PRKN: variants seen among roughly 807,000 people sequenced by gnomAD.
PRKN encodes parkin RBR E3 ubiquitin protein ligase, also known as E3 ubiquitin-protein ligase parkin.
In PRKN, 56 loss-of-function variants were observed where a neutral mutation model predicts 59.5. That is an observed-to-expected ratio of 0.94 (90% CI 0.76 to 1.18). The LOEUF is 1.18. Among genes scored for constraint, PRKN ranks in the 50% most tolerant of loss-of-function variants. PRKN has a pLI of 0.00. For missense variants in PRKN, 657 were observed against 596.4 expected (o/e 1.10, Z -1.06); for synonymous variants, 250 against 222.1 (o/e 1.13, Z -1.12).
intron 1 of PRKN, among the ~76,000 whole-genome samples, chr6:162,638,626 C>T (rs951719071): frequency 6.6e-6 from 1 of 152,076 alleles, no homozygotes; most frequent in Non-Finnish European, 1.5e-5. Flanking sequence ...CTTTTGGAAA[C>T]CTTAGGACTG....
chr6:162,366,152 CA>C (rs1359644502), intron 2 of PRKN, among the ~76,000 whole-genome samples: 1 of 152,198 alleles, frequency 6.6e-6, no homozygotes, highest in Non-Finnish European at 1.5e-5. Context: ...GCCAATTTGA[CA>C]GGTTATAATA....
chr6:161,464,350 T>C, intron 9 of PRKN, among the ~76,000 whole-genome samples: 1 of 152,236 alleles, frequency 6.6e-6, no homozygotes, highest in Non-Finnish European at 1.5e-5. Context: ...TTGGGAAAAC[T>C]GATGGAGTTG....
At chr6:162,267,422 C>T (rs1361395686) in intron 2 of PRKN, among the ~76,000 whole-genome samples, 1 of 151,966 alleles carries the variant, frequency 6.6e-6, no homozygotes, top group Non-Finnish European at 1.5e-5. Flanking sequence ...TCCTAGTATA[C>T]AAAAAAATTC....
At chr6:161,930,521 A>C (rs892534435) in intron 6 of PRKN, among the ~76,000 whole-genome samples, 1 of 152,322 alleles carries the variant, frequency 6.6e-6, no homozygotes, top group Admixed American at 6.5e-5. Context: ...CTTCACCTAC[A>C]TGGCTGAGTA....
At chr6:161,733,783 A>ATATATATATATATGTATATATATATATAT (rs1554298472) in intron 7 of PRKN, among the ~76,000 whole-genome samples, 1 of 86,228 alleles carries the variant, frequency 1.2e-5, no homozygotes, top group Non-Finnish European at 1.9e-5. Flanking sequence ...AAAAAAAAAA[A>ATATATATATATATGTATATATATATATAT]ATATATATAT....
intron 2 of PRKN, among the ~76,000 whole-genome samples, chr6:162,352,323 G>C (rs1256358213): frequency 6.6e-6 from 1 of 152,162 alleles, no homozygotes; most frequent in African/African-American, 2.4e-5. Flanking sequence ...TTGTCACAAA[G>C]AACAAGGTGA....
intron 3 of PRKN, among the ~76,000 whole-genome samples, chr6:162,231,379 G>A (rs1778412716): frequency 1.3e-5 from 2 of 152,220 alleles, no homozygotes; most frequent in Non-Finnish European, 2.9e-5. Context: ...GTGAAGTTCA[G>A]TTATGCCTAA....
At position 161,822,244 on chromosome 6, in the gene PRKN, G is replaced by A. The variant is rs73785419; in HGVS notation, c.735-36336C>T. ...AGGGATACTCATGTGACTAAACACT[G>A]GGCAAGGGGACATGAAGAAAAGGGT... On this transcript the variant is annotated intron_variant, in intron 6 of 11. Transcript: ENST00000366898. Among the ~76,000 whole-genome samples the A allele has an allele frequency of 8.4e-3, 1,286 of 152,270 alleles. 18 individuals are homozygous for A. Among genetic ancestry groups the A allele is most frequent in the African/African-American group, 0.03 (1,231 of 41,558 alleles).
At position 162,450,279 on chromosome 6, in the gene PRKN, C is replaced by T. The variant is rs79126124; in HGVS notation, c.8-6806G>A. 9.0e-4 allele frequency among the ~76,000 whole-genome samples: 137 copies of T among 152,138 alleles called. 2 individuals are homozygous for T. The highest frequency in any genetic ancestry group is 8.3e-3 in the East Asian group (43 of 5,168). ...GTAAACGCCCCTATGACTGTAAATG[C>T]CCCTTTGAGTGTAACACCCCTGTGA... On this transcript the variant is annotated intron_variant, in intron 1 of 11. Transcript: ENST00000366898.
chr6:161,416,211 C>A (rs1419947439), intron 9 of PRKN, among the ~76,000 whole-genome samples: 1 of 152,138 alleles, frequency 6.6e-6, no homozygotes, highest in African/African-American at 2.4e-5. Flanking sequence ...GCCACTTTCA[C>A]AGAATGACCA....
At chr6:161,733,783 A>AAAATATATATATATATATATAT (rs35360887) in intron 7 of PRKN, among the ~76,000 whole-genome samples, 1 of 86,228 alleles carries the variant, frequency 1.2e-5, no homozygotes, top group African/African-American at 8.8e-5. Context: ...AAAAAAAAAA[A>AAAATATATATATATATATATAT]ATATATATAT....
intron 6 of PRKN, among the ~76,000 whole-genome samples, chr6:161,907,056 T>A (rs1778177440): frequency 6.6e-6 from 1 of 152,164 alleles, no homozygotes; most frequent in Non-Finnish European, 1.5e-5. Flanking sequence ...ACACCAGGAA[T>A]GATACTTTGC....
chr6:161,821,767 G>A, intron 6 of PRKN, among the ~76,000 whole-genome samples: 1 of 43,364 alleles, frequency 2.3e-5, no homozygotes, highest in East Asian at 1.2e-3. Flanking sequence ...TTTTTTTTTT[G>A]AGATGCAGTC....
At chr6:161,951,781 G>A (rs555396482) in intron 6 of PRKN, among the ~76,000 whole-genome samples, 100 of 152,084 alleles carry the variant, frequency 6.6e-4, no homozygotes, top group Non-Finnish European at 1.0e-3. Context: ...CCTTAGCTAG[G>A]CATGGTGACG....
At chr6:161,957,409 G>GTTGTTTTTT (rs1562418017) in intron 6 of PRKN, among the ~76,000 whole-genome samples, 2 of 127,394 alleles carry the variant, frequency 1.6e-5, no homozygotes. Flanking sequence ...TGTTCTTGTT[G>GTTGTTTTTT]TTTTTTTTTT....
intron 5 of PRKN, among the ~76,000 whole-genome samples, chr6:162,040,780 G>A (rs1784039947): frequency 6.6e-6 from 1 of 151,982 alleles, no homozygotes; most frequent in Admixed American, 6.6e-5. Flanking sequence ...ACCACGCAAG[G>A]ATGAATAGCT....
At chr6:161,805,256 C>T (rs1791259054) in intron 6 of PRKN, among the ~76,000 whole-genome samples, 1 of 152,170 alleles carries the variant, frequency 6.6e-6, no homozygotes, top group South Asian at 2.1e-4. Flanking sequence ...TTGAAACTGC[C>T]TGTTCTTCGT....
chr6:162,511,627 C>T (rs531650301), intron 1 of PRKN, among the ~76,000 whole-genome samples: 7 of 152,098 alleles, frequency 4.6e-5, no homozygotes, highest in South Asian at 2.1e-4. Flanking sequence ...TACATGTATA[C>T]GACTAAAGAG....
In PRKN at chr6:161,874,901, ATATATAT is replaced by A. The variant is rs1562356355; in HGVS notation, c.735-89000_735-88994del. Among the ~76,000 whole-genome samples the A allele has an allele frequency of 2.2e-4, 24 of 109,082 alleles. 2 individuals carry two copies. The South Asian group carries it at 7.0e-3, about 32-fold the overall frequency. 71.6% of individuals were successfully genotyped at this position (109,082 alleles called of 152,430 possible). ...TAAAATATATAATATATAATATATA[ATATATAT>A]TATAAAATATAAAATATAAAATATA... is the stretch of plus-strand genomic sequence containing the variant. On this transcript the variant is annotated intron_variant, in intron 6 of 11. Coordinates refer to ENST00000366898, the MANE Select transcript of PRKN (RefSeq NM_004562.3).
Sources: allele counts gnomAD v4.1 joint callset (sites outside exome capture counted in the v4.1 genomes callset), GRCh38; gene constraint gnomAD v4.1.1; transcripts MANE v1.5; gene names NCBI Gene and HGNC (gene_info 2026-07-23, HGNC 2026-07-21).